The following COL11A1 variants were observed in gnomAD, a reference collection of about 807,000 sequenced individuals.
The protein encoded by COL11A1 is collagen type XI alpha 1 chain.
COL11A1 carries 74 observed loss-of-function variants against 265.2 expected under a neutral mutation model. The observed-to-expected ratio is 0.28, with a 90% CI of 0.23 to 0.34. The LOEUF (loss-of-function observed/expected upper bound fraction) is 0.34, where lower values mean the gene tolerates loss of function less well. Among genes scored for constraint, COL11A1 ranks in the 10% least tolerant of loss-of-function variants. COL11A1 has a pLI of 1.00. For synonymous variants in COL11A1, 816 were observed against 727.6 expected (o/e 1.12, Z -1.96); for missense variants, 2,165 against 2,263.6 (o/e 0.96, Z 0.88).
chr1:103,081,347 C>T (rs1672396935), intron 2 of COL11A1, among the ~76,000 whole-genome samples: 1 of 151,814 alleles, frequency 6.6e-6, no homozygotes, highest in South Asian at 2.1e-4. Flanking sequence ...ATTCCCATCC[C>T]TTTTTCTATT....
At chr1:103,061,290 C>A (rs1571185218) in intron 4 of COL11A1, among the ~76,000 whole-genome samples, 1 of 151,992 alleles carries the variant, frequency 6.6e-6, no homozygotes, top group Non-Finnish European at 1.5e-5. Context: ...ATAGATGAAT[C>A]CACTATTACA....
At chr1:103,030,323 C>CA (rs1216920781) in intron 5 of COL11A1, among the ~76,000 whole-genome samples, 1 of 151,922 alleles carries the variant, frequency 6.6e-6, no homozygotes, top group African/African-American at 2.4e-5. Context: ...AAAGTAGTGT[C>CA]AAAAACATAC....
chr1:103,029,583 T>A (rs1667818606), intron 5 of COL11A1, among the ~76,000 whole-genome samples: 1 of 151,964 alleles, frequency 6.6e-6, no homozygotes, highest in Non-Finnish European at 1.5e-5. Flanking sequence ...TCATTATGAC[T>A]TACTCAATCT....
At chr1:102,942,395 T>C (rs1379153577) in intron 42 of COL11A1, among the ~76,000 whole-genome samples, 1 of 152,112 alleles carries the variant, frequency 6.6e-6, no homozygotes, top group African/African-American at 2.4e-5. Flanking sequence ...TGGGAGAAAT[T>C]CAACAGATCT....
At position 102,998,333 on chromosome 1, in the gene COL11A1, G is replaced by A. The variant is rs1450257151; in HGVS notation, c.2173C>T (p.Leu725Phe). Residue 725 changes from leucine (L) to phenylalanine (F), a missense_variant, in exon 25 of 67, where the codon CTT becomes TTT. By Grantham distance (22) the Leu-to-Phe change is conservative. Transcript: ENST00000370096. ...ACAGGAGGCCCATCAGCACCAGGAA[G>A]TCCAGCAAGTCCTGGTTTTCCTTGT... ...GPQGKPGLAG[L>F]PGADGPPGHP... 3 of 1,604,904 alleles carry A rather than the reference G, an allele frequency of 1.9e-6. No individual in the cohort carries two copies. The highest frequency in any genetic ancestry group is 2.6e-6 in the Non-Finnish European group (3 of 1,175,128).
chr1:103,015,636 A>T, intron 12 of COL11A1, 32 bp downstream of exon 12: 1 of 1,425,636 alleles, frequency 7.0e-7, no homozygotes, highest in Non-Finnish European at 9.8e-7. Context: ...ACAAGATATC[A>T]AGTCATCTCT....
chr1:103,069,718 C>T (rs901045097), intron 4 of COL11A1, among the ~76,000 whole-genome samples: 1 of 151,948 alleles, frequency 6.6e-6, no homozygotes. Context: ...CTAAAACAAA[C>T]AGCTCAATTT....
chr1:103,017,550 A>T (rs1231605793), intron 11 of COL11A1, among the ~76,000 whole-genome samples: 3 of 152,190 alleles, frequency 2.0e-5, no homozygotes, highest in African/African-American at 7.2e-5. Context: ...TGAAGACCAG[A>T]ATCCCTAATG....
intron 41 of COL11A1, among the ~76,000 whole-genome samples, chr1:102,952,011 T>G (rs1659935813): frequency 6.6e-6 from 1 of 152,174 alleles, no homozygotes; most frequent in African/African-American, 2.4e-5. Flanking sequence ...TAAAATTAAT[T>G]GAAATATTTT....
intron 5 of COL11A1, among the ~76,000 whole-genome samples, chr1:103,027,602 C>A (rs1319699281): frequency 6.6e-6 from 1 of 151,570 alleles, no homozygotes; most frequent in African/African-American, 2.4e-5. Flanking sequence ...TCAACTGGAT[C>A]TCTCTTTGCA....
chr1:103,086,625 C>G (rs1331767551), intron 1 of COL11A1, among the ~76,000 whole-genome samples: 1 of 152,034 alleles, frequency 6.6e-6, no homozygotes, highest in African/African-American at 2.4e-5. Flanking sequence ...ACAGTGTTAG[C>G]CAGGATGGTC....
At chr1:103,060,491 TAATA>T (rs1332606325) in intron 4 of COL11A1, among the ~76,000 whole-genome samples, 1 of 152,170 alleles carries the variant, frequency 6.6e-6, no homozygotes, top group African/African-American at 2.4e-5. Context: ...TTCAAAATAA[TAATA>T]GCAATAATGG....
chr1:103,015,855 A>G (rs1332689402), intron 11 of COL11A1, 113 bp from the exon 12 acceptor site: 2 of 731,282 alleles, frequency 2.7e-6, no homozygotes, highest in South Asian at 1.9e-5. Context: ...TGCCCTTTCC[A>G]CCTTATTTAG....
chr1:103,065,214 T>C (rs1671007812), intron 4 of COL11A1, among the ~76,000 whole-genome samples: 1 of 151,966 alleles, frequency 6.6e-6, no homozygotes, highest in Admixed American at 6.5e-5. Context: ...AAAATAAAGA[T>C]TGTTTATTAA....
At chr1:103,091,213 G>A (rs1426614040) in intron 1 of COL11A1, among the ~76,000 whole-genome samples, 1 of 151,980 alleles carries the variant, frequency 6.6e-6, no homozygotes, top group Non-Finnish European at 1.5e-5. Context: ...ATGTAATATT[G>A]TAGACCCTTT....
rs1651606410 is a variant in COL11A1 at position 102,890,463 on chromosome 1, G to T, written c.4344C>A (p.Ser1448=). The T allele has an allele frequency of 1.2e-6, 2 of 1,608,866 alleles. No homozygotes were observed. The highest frequency in any genetic ancestry group is 1.1e-5 in the South Asian group (1 of 90,500). The change falls in exon 58 of 67, where the codon TCC becomes TCA. Residue 1448 remains serine, a synonymous_variant. Coordinates refer to ENST00000370096, the MANE Select transcript of COL11A1 (RefSeq NM_001854.4). The part of the protein sequence containing the change: ...GLPGLKGDPG[S]KGEKGHPGLI... Reference sequence around the variant, plus strand: ...CTTTTATTCTCACCTTTTCACCCTTGGAGCCAGGGTCACCTTTGAGACCAG... The same window carrying T: ...CTTTTATTCTCACCTTTTCACCCTTTGAGCCAGGGTCACCTTTGAGACCAG...
intron 7 of COL11A1, among the ~76,000 whole-genome samples, chr1:103,024,640 G>A (rs1375602259): frequency 1.3e-5 from 2 of 151,904 alleles, no homozygotes; most frequent in African/African-American, 4.8e-5. Context: ...TAGGTAAATG[G>A]ACATCTTGAA....
Position 102,914,590 on chromosome 1 carries a change from A to C in COL11A1, c.3924+114T>G, listed in dbSNP as rs1655084409. On this transcript the variant is annotated intron_variant, in intron 51 of 66. Transcript: ENST00000370096. ...TGCTTACGAATATATGAAATGATGAAAAGTCAGATTTACCATCTATGTTCC... is the reference window on the plus strand; with the variant it reads ...TGCTTACGAATATATGAAATGATGACAAGTCAGATTTACCATCTATGTTCC... 1.1e-5 allele frequency: 11 copies of C among 993,992 alleles called. No individual in the cohort carries two copies. In the East Asian group the frequency reaches 2.6e-4, roughly 23 times the overall value. The allele number at this position is 993,992 out of a possible 1,614,324, so 61.6% of individuals were successfully genotyped here.
chr1:103,041,030 A>C (rs1250367224), intron 4 of COL11A1, among the ~76,000 whole-genome samples: 2 of 151,898 alleles, frequency 1.3e-5, no homozygotes, highest in African/African-American at 4.8e-5. Context: ...GAATTGACAC[A>C]TAATGATTAA....
Sources: gnomAD v4.1 joint callset for allele counts (sites outside exome capture counted in the v4.1 genomes callset) on GRCh38, gnomAD v4.1.1 for gene constraint, MANE v1.5 for transcripts, NCBI Gene and HGNC (gene_info 2026-07-23, HGNC 2026-07-21) for gene names.